Variants in CMSS1 observed in about 807,000 individuals in gnomAD.
CMSS1 encodes the protein cms1 ribosomal small subunit homolog, also known as protein CMSS1.
A neutral mutation model predicts 43.5 loss-of-function variants in CMSS1; 33 were observed. That is an observed-to-expected ratio of 0.76 (90% CI 0.57 to 1.01). CMSS1 has a LOEUF of 1.01. Among genes scored for constraint, CMSS1 ranks in the 50% least tolerant of loss-of-function variants. CMSS1 has a pLI of 0.00. For synonymous variants in CMSS1, 115 were observed against 117.2 expected (o/e 0.98, Z 0.12); for missense variants, 313 against 326.4 (o/e 0.96, Z 0.32).
At chr3:100,149,731 T>C (rs1465903130) in intron 2 of CMSS1, among the ~76,000 whole-genome samples, 6 of 152,186 alleles carry the variant, frequency 3.9e-5, no homozygotes, top group Non-Finnish European at 7.3e-5. Flanking sequence ...AGATTTTATC[T>C]GTGCGTCTCC....
rs555819875 is a variant in CMSS1 at position 100,074,675 on chromosome 3, A to ATTTTTTTTTTTTTTTTTTTTTTTTTTTTT, written c.65-72290_65-72262dup. Among the ~76,000 whole-genome samples, 26 of 34,802 alleles carry ATTTTTTTTTTTTTTTTTTTTTTTTTTTTT rather than the reference A, an allele frequency of 7.5e-4. 12 individuals are homozygous for ATTTTTTTTTTTTTTTTTTTTTTTTTTTTT. The highest frequency in any genetic ancestry group is 2.1e-3 in the East Asian group (2 of 942). 22.8% of individuals were successfully genotyped at this position (34,802 alleles called of 152,430 possible). The stretch of plus-strand genomic sequence containing the variant: ...ATTTTCTATGCATGTGCAACATTTG[A>ATTTTTTTTTTTTTTTTTTTTTTTTTTTTT]TTTTTTTTTTTTTTTTTTTTTTTTT... On this transcript the variant is annotated intron_variant, in intron 1 of 9. Coordinates refer to ENST00000421999, the MANE Select transcript of CMSS1 (RefSeq NM_032359.4).
intron 1 of CMSS1, among the ~76,000 whole-genome samples, chr3:99,992,242 C>G (rs181590843): frequency 6.6e-6 from 1 of 152,018 alleles, no homozygotes; most frequent in African/African-American, 2.4e-5. Flanking sequence ...TGAGAAACCT[C>G]CACACTGTTT....
intron 1 of CMSS1, among the ~76,000 whole-genome samples, chr3:100,125,107 A>G (rs1208009877): frequency 6.6e-6 from 1 of 152,220 alleles, no homozygotes; most frequent in Non-Finnish European, 1.5e-5. Flanking sequence ...GGGAGAGGTC[A>G]GTCTTCGGAA....
At chr3:99,965,630 G>C (rs551378741) in intron 1 of CMSS1, among the ~76,000 whole-genome samples, 2 of 152,144 alleles carry the variant, frequency 1.3e-5, no homozygotes, top group African/African-American at 4.8e-5. Flanking sequence ...TTCCAAGGTA[G>C]GGAATCCAGG....
At chr3:99,870,003 T>C (rs1293323546) in intron 1 of CMSS1, among the ~76,000 whole-genome samples, 3 of 152,216 alleles carry the variant, frequency 2.0e-5, no homozygotes, top group South Asian at 2.1e-4. Context: ...TGTGGACTCT[T>C]TCCCTCAAAT....
chr3:100,099,206 G>A (rs760671625), intron 1 of CMSS1, among the ~76,000 whole-genome samples: 2 of 152,154 alleles, frequency 1.3e-5, no homozygotes, highest in African/African-American at 2.4e-5. Context: ...TTGACTTAAT[G>A]TAGGTAATAG....
intron 1 of CMSS1, among the ~76,000 whole-genome samples, chr3:99,938,759 G>A (rs914827896): frequency 2.0e-5 from 3 of 152,084 alleles, no homozygotes; most frequent in African/African-American, 7.2e-5. Flanking sequence ...GCGCTCAGTT[G>A]CAGAACAGCC....
chr3:99,983,672 T>A (rs1399107949), intron 1 of CMSS1, among the ~76,000 whole-genome samples: 20 of 144,448 alleles, frequency 1.4e-4, no homozygotes, highest in African/African-American at 4.9e-4. Flanking sequence ...CCTGGGTGAC[T>A]GAGCAAGACT....
chr3:100,079,602 T>C (rs944569957), intron 1 of CMSS1, among the ~76,000 whole-genome samples: 1 of 152,208 alleles, frequency 6.6e-6, no homozygotes, highest in Non-Finnish European at 1.5e-5. Context: ...TTAAAAATCT[T>C]TGTAAGGGTG....
At chr3:100,066,168 C>G (rs1230376582) in intron 1 of CMSS1, among the ~76,000 whole-genome samples, 6 of 152,162 alleles carry the variant, frequency 3.9e-5, no homozygotes, top group Admixed American at 3.3e-4. Context: ...TTTCTGATAG[C>G]TAAGAGCTGA....
At chr3:99,834,100 C>T (rs1225117334) in intron 1 of CMSS1, among the ~76,000 whole-genome samples, 3 of 152,198 alleles carry the variant, frequency 2.0e-5, no homozygotes, top group Non-Finnish European at 1.5e-5. Flanking sequence ...ATGAATCTGG[C>T]AGCTAGCCCA....
At chr3:99,864,983 G>C (rs1944443570) in intron 1 of CMSS1, among the ~76,000 whole-genome samples, 1 of 152,110 alleles carries the variant, frequency 6.6e-6, no homozygotes, top group Admixed American at 6.6e-5. Flanking sequence ...ATTTCTGGTA[G>C]GGAACAGTAC....
intron 1 of CMSS1, among the ~76,000 whole-genome samples, chr3:99,915,048 A>AT (rs968483802): frequency 3.3e-5 from 5 of 151,994 alleles, no homozygotes; most frequent in South Asian, 2.1e-4. Context: ...TTTTAGGATC[A>AT]TTTTTTTTCT....
intron 1 of CMSS1, among the ~76,000 whole-genome samples, chr3:100,055,079 G>A (rs1200047465): frequency 6.6e-6 from 1 of 152,026 alleles, no homozygotes; most frequent in African/African-American, 2.4e-5. Flanking sequence ...TTGTCTTTCT[G>A]GAAGTCTCCT....
At chr3:99,883,386 A>G (rs1479661015) in intron 1 of CMSS1, among the ~76,000 whole-genome samples, 2 of 152,078 alleles carry the variant, frequency 1.3e-5, no homozygotes, top group African/African-American at 4.8e-5. Flanking sequence ...AGTTATTCCT[A>G]TATTATATCA....
intron 1 of CMSS1, among the ~76,000 whole-genome samples, chr3:99,994,916 C>CATGGGA (rs1370076844): frequency 1.3e-5 from 2 of 152,150 alleles, no homozygotes; most frequent in Non-Finnish European, 2.9e-5. Flanking sequence ...TCCCACAACA[C>CATGGGA]ATGGGAATTA....
At chr3:100,165,663 C>T (rs964714002) in intron 4 of CMSS1, among the ~76,000 whole-genome samples, 3 of 152,134 alleles carry the variant, frequency 2.0e-5, no homozygotes, top group Non-Finnish European at 4.4e-5. Context: ...CAGATATGGA[C>T]ACCTAGGTTG....
At chr3:100,055,875 A>G (rs550249433) in intron 1 of CMSS1, among the ~76,000 whole-genome samples, 3 of 152,334 alleles carry the variant, frequency 2.0e-5, no homozygotes, top group Admixed American at 6.5e-5. Context: ...GAAGTTTTTC[A>G]TAACTACCTT....
chr3:100,045,900 G>A (rs1276478905), intron 1 of CMSS1, among the ~76,000 whole-genome samples: 4 of 152,024 alleles, frequency 2.6e-5, no homozygotes, highest in Non-Finnish European at 5.9e-5. Flanking sequence ...TCCTTTCTGC[G>A]CAGGGATGAG....
Sources: allele counts gnomAD v4.1 joint callset (sites outside exome capture counted in the v4.1 genomes callset), GRCh38; gene constraint gnomAD v4.1.1; transcripts MANE v1.5; gene names NCBI Gene and HGNC (gene_info 2026-07-23, HGNC 2026-07-21).